The following ABHD2 variants were observed in gnomAD, a reference collection of about 807,000 sequenced individuals.
ABHD2 encodes the protein monoacylglycerol lipase ABHD2.
ABHD2 carries 20 observed loss-of-function variants against 48.1 expected under a neutral mutation model. The ratio of observed to expected loss-of-function variants is 0.42; its 90% CI spans 0.29 to 0.60. The LOEUF (loss-of-function observed/expected upper bound fraction) is 0.60. Among genes scored for constraint, ABHD2 ranks in the 20% least tolerant of loss-of-function variants. The probability of loss-of-function intolerance (pLI) is 0.24; values close to 1 mark genes in which losing one functional copy is unlikely to be tolerated. For missense variants in ABHD2, 405 were observed against 550.9 expected, an observed-to-expected ratio of 0.74 and a Z score of 2.65; for synonymous variants, 209 against 214.2, an observed-to-expected ratio of 0.98 and a Z score of 0.21.
At position 89,120,886 on chromosome 15, in the gene ABHD2, T is replaced by C. The variant is rs2050039497; in HGVS notation, c.194+4365T>C. 6.6e-6 allele frequency: 1 copy of C among 152,222 alleles called. No homozygotes were observed. The highest frequency in any genetic ancestry group is 2.4e-5 in the African/African-American group (1 of 41,450). 9.4% of individuals were successfully genotyped at this position (152,222 alleles called of 1,614,324 possible). On this transcript the variant is annotated intron_variant, in intron 3 of 10. Transcript: ENST00000352732. This position sits in a 1 kb window ranked among gnomAD's most constrained non-coding sequence, Gnocchi z 4.2. ...AATTCTACCCAGAGATAATGCACTA[T>C]TAATATGTGGGCAATCATCCCTGTG...
chr15:89,085,061 A>G (rs185410168), upstream of ABHD2, among the ~76,000 whole-genome samples: 1 of 152,250 alleles, frequency 6.6e-6, no homozygotes, highest in East Asian at 1.9e-4. This position sits in a 1 kb window ranked among gnomAD's most constrained non-coding sequence, Gnocchi z 4.2. Flanking sequence ...AATAGAACAT[A>G]TTATCTGCTC....
rs1224032257 is a variant in ABHD2, at chr15:89,097,590, G to T, written c.-107+9027G>T. On this transcript the variant is annotated intron_variant, in intron 1 of 10. Coordinates refer to ENST00000352732, the MANE Select transcript of ABHD2 (RefSeq NM_152924.5). The surrounding 1 kb of genome is among the most constrained non-coding windows in gnomAD (Gnocchi z 4.2). ...TTTTTTCTTCTTTTCCCTGTAATTTGTTGGAGAAACTGGGTAGTCTGTCCA... is the reference window on the plus strand; with the variant it reads ...TTTTTTCTTCTTTTCCCTGTAATTTTTTGGAGAAACTGGGTAGTCTGTCCA... Among the ~76,000 whole-genome samples the T allele has an allele frequency of 6.6e-6, 1 of 152,024 alleles. No individual in the cohort carries two copies. Among genetic ancestry groups the T allele is most frequent in the African/African-American group, 2.4e-5 (1 of 41,394 alleles).
the ABHD2 span, among the ~76,000 whole-genome samples, chr15:89,058,819 A>C: frequency 6.6e-6 from 1 of 152,116 alleles, no homozygotes; most frequent in African/African-American, 2.4e-5. Flanking sequence ...ACAATATCTC[A>C]ATAAAAACAG....
At chr15:89,098,128 C>T (rs1474104252) in intron 1 of ABHD2, among the ~76,000 whole-genome samples, 3 of 152,190 alleles carry the variant, frequency 2.0e-5, no homozygotes, top group African/African-American at 7.2e-5. Flanking sequence ...GATCCACCCA[C>T]CTCAGCCTCC....
chr15:89,184,813 C>A lies in ABHD2; in HGVS notation c.723-611C>A, dbSNP rs1464505196. On this transcript the variant is annotated intron_variant, in intron 6 of 10. Coordinates refer to ENST00000352732, the MANE Select transcript of ABHD2 (RefSeq NM_152924.5). This position sits in a 1 kb window ranked among gnomAD's most constrained non-coding sequence, Gnocchi z 5.1. ...CACTAGCCCTAGAGGCAGAAAGACA[C>A]TTCCAGACCAGCCCCACCAGCTGTG... Among the ~76,000 whole-genome samples, 4 of 152,242 alleles carry A rather than the reference C, an allele frequency of 2.6e-5. No individual in the cohort carries two copies. The highest frequency in any genetic ancestry group is 7.2e-5 in the African/African-American group (3 of 41,458).
rs187312117 is a variant in ABHD2, at chr15:89,122,927, G to A, written c.194+6406G>A. On this transcript the variant is annotated intron_variant, in intron 3 of 10. Coordinates refer to ENST00000352732, the MANE Select transcript of ABHD2 (RefSeq NM_152924.5). ...GTTGAGTTGTCTTCACTGGATCCAA[G>A]AGACATCTAGAAGCCCCTGCAGAGT... 2.1e-3 allele frequency among the ~76,000 whole-genome samples: 319 copies of A among 152,372 alleles called. 1 individual carries two copies. Among genetic ancestry groups the A allele is most frequent in the Middle Eastern group, 6.8e-3 (2 of 294 alleles).
At position 89,146,352 on chromosome 15, in the gene ABHD2, G is replaced by A. The variant is rs4932475; in HGVS notation, c.195-5325G>A. On this transcript the variant is annotated intron_variant, in intron 3 of 10. Coordinates refer to ENST00000352732, the MANE Select transcript of ABHD2 (RefSeq NM_152924.5). This position sits in a 1 kb window ranked among gnomAD's most constrained non-coding sequence, Gnocchi z 4.2. ...ATGTGAGCTTCATCTGCTCAAAGAC[G>A]TACGTGTGTGTGTGTGTGTGTGTGT... Among the ~76,000 whole-genome samples the A allele has an allele frequency of 3.3e-4, 39 of 116,886 alleles. No individual in the cohort carries two copies. Among genetic ancestry groups the A allele is most frequent in the African/African-American group, 1.4e-3 (38 of 26,726 alleles). 76.7% of individuals were successfully genotyped at this position (116,886 alleles called of 152,430 possible).
At chr15:89,141,541 G>A (rs928211725) in intron 3 of ABHD2, among the ~76,000 whole-genome samples, 1 of 152,164 alleles carries the variant, frequency 6.6e-6, no homozygotes, top group South Asian at 2.1e-4. Context: ...GCTGAGGTGC[G>A]AGAATCGCTT....
the ABHD2 span, among the ~76,000 whole-genome samples, chr15:89,068,335 G>C: frequency 1.3e-5 from 2 of 152,162 alleles, no homozygotes; most frequent in African/African-American, 2.4e-5. Flanking sequence ...CAGAGTCTTT[G>C]AGTCAGGAAA....
Position 89,091,849 on chromosome 15 carries a change from T to C in ABHD2, c.-107+3286T>C, listed in dbSNP as rs114971701. Among the ~76,000 whole-genome samples the C allele has an allele frequency of 7.6e-4, 116 of 152,332 alleles. No homozygotes were observed. The highest frequency in any genetic ancestry group is 2.7e-3 in the African/African-American group (112 of 41,578). On this transcript the variant is annotated intron_variant, in intron 1 of 10. Coordinates refer to ENST00000352732, the MANE Select transcript of ABHD2 (RefSeq NM_152924.5). The surrounding 1 kb of genome is among the most constrained non-coding windows in gnomAD (Gnocchi z 5.5). ...AGATGATGTGGGGCATGAGTTGCTT[T>C]AGCCTTTCTGTTTCATCTTGGGCTA... is the stretch of plus-strand genomic sequence containing the variant.
chr15:89,170,868 A>G (rs186128032), intron 5 of ABHD2, among the ~76,000 whole-genome samples: 15 of 152,330 alleles, frequency 9.8e-5, no homozygotes, highest in African/African-American at 3.6e-4. Flanking sequence ...CTGTAATCCC[A>G]GCACTTTGGG....
rs911604742 is a variant in ABHD2, at chr15:89,182,230, G to A, written c.723-3194G>A. Among the ~76,000 whole-genome samples, 5 of 152,116 alleles carry A rather than the reference G, an allele frequency of 3.3e-5. No individual in the cohort carries two copies. The highest frequency in any genetic ancestry group is 4.1e-4 in the South Asian group (2 of 4,826). ...TTGAGAGTTTTGCAACTTTCAGAAA[G>A]CATCTTTCCTTTTGGAGTCATCCTG... On this transcript the variant is annotated intron_variant, in intron 6 of 10. Transcript: ENST00000352732. The surrounding 1 kb of genome is among the most constrained non-coding windows in gnomAD (Gnocchi z 4.8).
chr15:89,162,211 G>A (rs370195842), intron 5 of ABHD2, among the ~76,000 whole-genome samples: 28 of 152,218 alleles, frequency 1.8e-4, no homozygotes, highest in African/African-American at 6.7e-4. Context: ...AAGCACAATG[G>A]CATCATCACA....
At position 89,116,868 on chromosome 15, in the gene ABHD2, A is replaced by C. The variant is rs759366100; in HGVS notation, c.194+347A>C. 5.3e-5 allele frequency among the ~76,000 whole-genome samples: 8 copies of C among 152,342 alleles called. No individual in the cohort carries two copies. Among genetic ancestry groups the C allele is most frequent in the African/African-American group, 1.9e-4 (8 of 41,574 alleles). On this transcript the variant is annotated intron_variant, in intron 3 of 10. Coordinates refer to ENST00000352732, the MANE Select transcript of ABHD2 (RefSeq NM_152924.5). The surrounding 1 kb of genome is among the most constrained non-coding windows in gnomAD (Gnocchi z 4.6). ...TTGTTGCCAGTTCTAGGATGGAGAA[A>C]CTATCCTCACCCAAAATAATTAATA... is the stretch of plus-strand genomic sequence containing the variant.
At chr15:89,056,022 TA>T in the ABHD2 span, among the ~76,000 whole-genome samples, 1 of 152,036 alleles carries the variant, frequency 6.6e-6, no homozygotes, top group African/African-American at 2.4e-5. Context: ...AGCTAATTTT[TA>T]AAAATATTTT....
In ABHD2 at chr15:89,173,643, T is replaced by C. The variant is rs2050964290; in HGVS notation, c.539-2169T>C. Among the ~76,000 whole-genome samples the C allele has an allele frequency of 6.6e-6, 1 of 152,192 alleles. No individual in the cohort carries two copies. Among genetic ancestry groups the C allele is most frequent in the Admixed American group, 6.5e-5 (1 of 15,280 alleles). On this transcript the variant is annotated intron_variant, in intron 5 of 10. Coordinates refer to ENST00000352732, the MANE Select transcript of ABHD2 (RefSeq NM_152924.5). This position sits in a 1 kb window ranked among gnomAD's most constrained non-coding sequence, Gnocchi z 6.5. ...GGGGACAACAGTCTGGCATTTCACATTCCAAAGTTAAGAGTTCAAGGATCC... is the reference window on the plus strand; with the variant it reads ...GGGGACAACAGTCTGGCATTTCACACTCCAAAGTTAAGAGTTCAAGGATCC...
At chr15:89,078,110 T>C in the ABHD2 span, among the ~76,000 whole-genome samples, 1 of 152,210 alleles carries the variant, frequency 6.6e-6, no homozygotes, top group Non-Finnish European at 1.5e-5. Context: ...TTGCACCCCA[T>C]ATTTAATCTG....
chr15:89,045,131 C>A, the ABHD2 span, among the ~76,000 whole-genome samples: 8 of 152,168 alleles, frequency 5.3e-5, no homozygotes, highest in East Asian at 3.9e-4. Flanking sequence ...ATGGCTAGCC[C>A]GTTTTCCCAG....
rs2050969673 is a variant in ABHD2, at chr15:89,173,947, G to T, written c.539-1865G>T. Among the ~76,000 whole-genome samples the T allele has an allele frequency of 6.6e-6, 1 of 152,122 alleles. No homozygotes were observed. On this transcript the variant is annotated intron_variant, in intron 5 of 10. Transcript: ENST00000352732. The surrounding 1 kb of genome is among the most constrained non-coding windows in gnomAD (Gnocchi z 6.5). ...TTAGTTTTAGGCATCTCTTGCTTAA[G>T]CTCCTTCTAAGCCCCCAGCATTTCC... is the stretch of plus-strand genomic sequence containing the variant.
Sources: gnomAD v4.1 joint callset for allele counts (sites outside exome capture counted in the v4.1 genomes callset) on GRCh38, gnomAD v4.1.1 for gene constraint, Gnocchi (gnomAD v3.1) non-coding constraint, MANE v1.5 for transcripts, NCBI Gene and HGNC (gene_info 2026-07-23, HGNC 2026-07-21) for gene names.